PCSK1N: variants seen among roughly 807,000 people sequenced by gnomAD.
PCSK1N encodes proprotein convertase subtilisin/kexin type 1 inhibitor.
Under a neutral mutation model 10.6 loss-of-function variants are expected in PCSK1N, and 8 were observed. The ratio of observed to expected loss-of-function variants is 0.76; its 90% CI spans 0.44 to 1.37. The LOEUF is 1.37. PCSK1N is among the 40% of genes most tolerant of loss of function. The probability of loss-of-function intolerance (pLI) is 0.00; values close to 1 mark genes in which losing one functional copy is unlikely to be tolerated. For missense variants in PCSK1N, 301 were observed against 268.5 expected (o/e 1.12, Z -0.84); for synonymous variants, 143 against 137.1 (o/e 1.04, Z -0.30).
chrX:48,835,597 G>C lies in PCSK1N; in HGVS notation c.-65C>G. 2.3e-6 allele frequency: 1 copy of C among 437,466 alleles called. No individual in the cohort carries two copies. The highest frequency in any genetic ancestry group is 3.2e-6 in the Non-Finnish European group (1 of 310,257). 36.1% of individuals were successfully genotyped at this position (437,466 alleles called of 1,213,427 possible). A position where few individuals can be genotyped will look rare whatever the true frequency, so the allele number is the denominator to read the frequency against. On this transcript the variant is annotated 5_prime_UTR_variant, in exon 1 of 3. Coordinates refer to ENST00000218230, the MANE Select transcript of PCSK1N (RefSeq NM_013271.5). Reference sequence around the variant, plus strand: ...TGGCAAGTGCGCAGTGCCGGGGCGAGCTGGCGAGGCTGCGGCGCTCTGCGG... The same window carrying C: ...TGGCAAGTGCGCAGTGCCGGGGCGACCTGGCGAGGCTGCGGCGCTCTGCGG...
chrX:48,831,818 C>A, intron 2 of PCSK1N, 51 bp downstream of exon 2: 2 of 944,099 alleles, frequency 2.1e-6, no homozygotes, highest in Non-Finnish European at 2.7e-6. Flanking sequence ...TCCTCGCCCT[C>A]GTCCTCTCCG....
At chrX:48,835,321 G>A (rs1359779421) in intron 1 of PCSK1N, 98 bp downstream of exon 1, 12 of 374,018 alleles carry the variant, frequency 3.2e-5, no homozygotes, top group African/African-American at 5.3e-5. Flanking sequence ...CGTCCCGGGA[G>A]CCGGCTCGGG....
chrX:48,831,215 C>T lies in PCSK1N; in HGVS notation c.*45G>A, dbSNP rs782396940. 9.4e-7 allele frequency: 1 copy of T among 1,058,285 alleles called. No homozygotes were observed. 87.2% of individuals were successfully genotyped at this position (1,058,285 alleles called of 1,213,427 possible). On this transcript the variant is annotated 3_prime_UTR_variant, in exon 3 of 3. Transcript: ENST00000218230. ...GGGAGCAGTCCTGGTGGCGGGATGG[C>T]GGGGGCACTTCTGGGTCCCAGGGTG...
intron 1 of PCSK1N, among the ~76,000 whole-genome samples, chrX:48,834,063 T>C (rs2063180268): frequency 9.0e-6 from 1 of 111,071 alleles, no homozygotes; most frequent in African/African-American, 3.3e-5. Flanking sequence ...GGATTTTTTT[T>C]GAGAGCTACA....
Position 48,835,379 on chromosome X carries a change from C to G in PCSK1N, c.114+40G>C, listed in dbSNP as rs1569507001. 3 of 566,602 alleles carry G rather than the reference C, an allele frequency of 5.3e-6. No individual in the cohort carries two copies. In the East Asian group the frequency reaches 1.5e-4, roughly 28 times the overall value. 46.7% of individuals were successfully genotyped at this position (566,602 alleles called of 1,213,427 possible). On this transcript the variant is annotated intron_variant, in intron 1 of 2. Transcript: ENST00000218230. ...CAACCCCAACCCTCGCCGGTGGCAT[C>G]CTCCCCCAACCCCCACCCCTCGCCG...
In PCSK1N at chrX:48,832,008, G is replaced by T. The variant is rs1557033501; in HGVS notation, c.448C>A (p.Leu150Ile). ...GGCGCGGGGACAAGCTGGGCTGCTA[G>T]GGCGGCAGGGTCAAGGCGGGCGCGG... ...LLRARLDPAALAAQLVPAPVP... is the reference protein window; with the variant it reads ...LLRARLDPAAIAAQLVPAPVP... Residue 150 changes from leucine (L) to isoleucine (I), a missense_variant, in exon 2 of 3, where the codon CTA becomes ATA. Physicochemically the swap from Leu to Ile is conservative, Grantham distance 5. Coordinates refer to ENST00000218230, the MANE Select transcript of PCSK1N (RefSeq NM_013271.5). The T allele has an allele frequency of 2.4e-5, 26 of 1,091,948 alleles. No individual in the cohort carries two copies. The East Asian group carries it at 1.0e-3, about 43-fold the overall frequency. The allele number at this position is 1,091,948 out of a possible 1,213,427, so 90.0% of individuals were successfully genotyped here. A position where few individuals can be genotyped will look rare whatever the true frequency, so the allele number is the denominator to read the frequency against.
At position 48,832,363 on chromosome X, in the gene PCSK1N, G is replaced by C. The variant is rs782110662; in HGVS notation, c.115-22C>G. On this transcript the variant is annotated intron_variant, in intron 1 of 2. Transcript: ENST00000218230. The stretch of plus-strand genomic sequence containing the variant: ...GCTCCTGCGGGAAAATGAGGTGGGG[G>C]AAAAGAGTTTGTCAGCGTCCGTCGA... 97 of 1,082,618 alleles carry C rather than the reference G, an allele frequency of 9.0e-5. 1 individual carries two copies. In the South Asian group the frequency reaches 1.9e-3, roughly 22 times the overall value. 89.2% of individuals were successfully genotyped at this position (1,082,618 alleles called of 1,213,427 possible).
intron 1 of PCSK1N, among the ~76,000 whole-genome samples, chrX:48,834,227 C>T (rs1366711076): frequency 3.6e-5 from 4 of 111,719 alleles, no homozygotes; most frequent in Admixed American, 2.9e-4. Flanking sequence ...GACTGCTACA[C>T]GAGAGAGTTA....
chrX:48,833,506 G>GT (rs2063178965), intron 1 of PCSK1N, among the ~76,000 whole-genome samples: 2 of 112,658 alleles, frequency 1.8e-5, no homozygotes, highest in Non-Finnish European at 3.7e-5. Flanking sequence ...AATATGAAGT[G>GT]TTGATATGAA....
rs1569507015 is a variant in PCSK1N, at chrX:48,835,442, CG to C, written c.90del (p.Ala31ArgfsTer7). 1 of 952,148 alleles carries C rather than the reference CG, an allele frequency of 1.1e-6. No homozygotes were observed. The highest frequency in any genetic ancestry group is 1.3e-6 in the Non-Finnish European group (1 of 760,270). The allele number at this position is 952,148 out of a possible 1,213,427, so 78.5% of individuals were successfully genotyped here. A position where few individuals can be genotyped will look rare whatever the true frequency, so the allele number is the denominator to read the frequency against. ...ACCTTTACCGGCCGCGCGCAGAGCG[CG>C]GGGGGCGGCCGAAACAGGCCGAGCA... ...LLLLGLFRPP[P>X]ALCARPVKEP... On this transcript the variant is annotated frameshift_variant, in exon 1 of 3. Transcript: ENST00000218230. LOFTEE classifies it high-confidence loss of function.
chrX:48,832,315 A>G lies in PCSK1N; in HGVS notation c.141T>C (p.Ser47=). ...GAGCGCCAGTCTCAGCCAAGGGCGG[A>G]GACGCTGCGCTTAGGCCGCGGGGCT... is the stretch of plus-strand genomic sequence containing the variant. ...VKEPRGLSAA[S]PPLAETGAPR... Residue 47 remains serine, a synonymous_variant, in exon 2 of 3, where the codon TCT becomes TCC. Coordinates refer to ENST00000218230, the MANE Select transcript of PCSK1N (RefSeq NM_013271.5). 2 of 1,138,573 alleles carry G rather than the reference A, an allele frequency of 1.8e-6. No homozygotes were observed. Among genetic ancestry groups the G allele is most frequent in the Non-Finnish European group, 2.3e-6 (2 of 860,152 alleles). The allele number at this position is 1,138,573 out of a possible 1,213,427, so 93.8% of individuals were successfully genotyped here.
At position 48,832,024 on chromosome X, in the gene PCSK1N, G is replaced by A. The variant is rs1265549879; in HGVS notation, c.432C>T (p.Arg144=). The A allele has an allele frequency of 9.1e-7, 1 of 1,103,464 alleles. No individual in the cohort carries two copies. The highest frequency in any genetic ancestry group is 1.2e-6 in the Non-Finnish European group (1 of 850,004). The allele number at this position is 1,103,464 out of a possible 1,213,427, so 90.9% of individuals were successfully genotyped here. A position where few individuals can be genotyped will look rare whatever the true frequency, so the allele number is the denominator to read the frequency against. The change falls in exon 2 of 3, where the codon CGC becomes CGT. Residue 144 remains arginine (R), a synonymous_variant. Transcript: ENST00000218230. ...AQLARALLRA[R]LDPAALAAQL... is the part of the protein sequence containing the mutation. ...GGGCTGCTAGGGCGGCAGGGTCAAGGCGGGCGCGGAGCAGAGCGCGAGCGA... is the reference window on the plus strand; with the variant it reads ...GGGCTGCTAGGGCGGCAGGGTCAAGACGGGCGCGGAGCAGAGCGCGAGCGA...
intron 1 of PCSK1N, 27 bp from the exon 2 acceptor site, chrX:48,832,368 G>C (rs1557033654): frequency 2.8e-6 from 3 of 1,069,356 alleles, no homozygotes; most frequent in Non-Finnish European, 3.7e-6. Context: ...TGGGGGAAAA[G>C]AGTTTGTCAG....
At chrX:48,835,053 C>T (rs1471263973) in intron 1 of PCSK1N, among the ~76,000 whole-genome samples, 1 of 112,156 alleles carries the variant, frequency 8.9e-6, no homozygotes, top group African/African-American at 3.2e-5. Flanking sequence ...CTTTCAAGGA[C>T]ACGACACCTC....
intron 1 of PCSK1N, among the ~76,000 whole-genome samples, 170 bp from the exon 2 acceptor site, chrX:48,832,511 C>G (rs1557033673): frequency 9.1e-6 from 1 of 109,310 alleles, no homozygotes; most frequent in Non-Finnish European, 1.9e-5. Flanking sequence ...CCAAATATCT[C>G]CAGACGCACT....
Position 48,831,942 on chromosome X carries a change from C to T in PCSK1N, c.514G>A (p.Asp172Asn). 9.3e-7 allele frequency: 1 copy of T among 1,071,450 alleles called. No homozygotes were observed. The allele number at this position is 1,071,450 out of a possible 1,213,427, so 88.3% of individuals were successfully genotyped here. A position where few individuals can be genotyped will look rare whatever the true frequency, so the allele number is the denominator to read the frequency against. ...AALRPRPPVY[D>N]DGPAGPDAEE... ...GCATCCGGGCCCGCGGGGCCGTCGTCGTAGACCGGGGGCCGGGGTCGGAGC... is the reference window on the plus strand; with the variant it reads ...GCATCCGGGCCCGCGGGGCCGTCGTTGTAGACCGGGGGCCGGGGTCGGAGC... Residue 172 changes from aspartate to asparagine, a missense_variant, in exon 2 of 3, where the codon GAC becomes AAC. Asp to Asn is a conservative substitution (Grantham distance 23). Transcript: ENST00000218230.
At chrX:48,833,471 A>G (rs191701090) in intron 1 of PCSK1N, among the ~76,000 whole-genome samples, 1 of 112,677 alleles carries the variant, frequency 8.9e-6, no homozygotes, top group Non-Finnish European at 1.9e-5. Context: ...TAACCAAAAG[A>G]TTGACCCAAA....
chrX:48,831,124 A>G lies in PCSK1N; in HGVS notation c.*136T>C. The G allele has an allele frequency of 2.0e-6, 1 of 493,991 alleles. No individual in the cohort carries two copies. Among genetic ancestry groups the G allele is most frequent in the Non-Finnish European group, 3.2e-6 (1 of 312,818 alleles). 40.7% of individuals were successfully genotyped at this position (493,991 alleles called of 1,213,427 possible). A position where few individuals can be genotyped will look rare whatever the true frequency, so the allele number is the denominator to read the frequency against. On this transcript the variant is annotated 3_prime_UTR_variant, in exon 3 of 3. Coordinates refer to ENST00000218230, the MANE Select transcript of PCSK1N (RefSeq NM_013271.5). The stretch of plus-strand genomic sequence containing the variant: ...TTCAGATCATGTTTATTGTGGGGCC[A>G]GGGGGTAGGGATCCTCGGGTGAGAG...
Position 48,835,478 on chromosome X carries a change from C to T in PCSK1N, c.55G>A (p.Val19Met), listed in dbSNP as rs1346578068. 6 of 967,161 alleles carry T rather than the reference C, an allele frequency of 6.2e-6. No homozygotes were observed. In the African/African-American group the frequency reaches 1.2e-4, roughly 19 times the overall value. 79.7% of individuals were successfully genotyped at this position (967,161 alleles called of 1,213,427 possible). The change falls in exon 1 of 3, where the codon GTG becomes ATG. Residue 19 changes from valine (V) to methionine (M), a missense_variant. Coordinates refer to ENST00000218230, the MANE Select transcript of PCSK1N (RefSeq NM_013271.5). ...CGAAACAGGCCGAGCAGCAGCAGCACCAAAAGGCCGACGCCCCCGGCCCGC... is the reference window on the plus strand; with the variant it reads ...CGAAACAGGCCGAGCAGCAGCAGCATCAAAAGGCCGACGCCCCCGGCCCGC... ...GPRAGGVGLL[V>M]LLLLGLFRPP...
Sources: gnomAD v4.1 joint callset for allele counts (sites outside exome capture counted in the v4.1 genomes callset) on GRCh38, gnomAD v4.1.1 for gene constraint, MANE v1.5 for transcripts, NCBI Gene and HGNC (gene_info 2026-07-23, HGNC 2026-07-21) for gene names.